Variants in KDM4C observed in about 807,000 individuals in gnomAD.
The protein encoded by KDM4C is lysine-specific demethylase 4C.
Under a neutral mutation model 129.3 loss-of-function variants are expected in KDM4C, and 81 were observed. The ratio of observed to expected loss-of-function variants is 0.63; its 90% CI spans 0.52 to 0.75. The LOEUF (loss-of-function observed/expected upper bound fraction) is 0.75, where lower values mean the gene tolerates loss of function less well. Among genes scored for constraint, KDM4C ranks in the 30% least tolerant of loss-of-function variants. The pLI, the probability that KDM4C is intolerant of heterozygous loss-of-function variation, is 0.00. For missense variants in KDM4C, 1,457 were observed against 1,304.0 expected, an observed-to-expected ratio of 1.12 and a Z score of -1.81; for synonymous variants, 573 against 456.1, an observed-to-expected ratio of 1.26 and a Z score of -3.26.
At chr9:6,953,070 A>G (rs992193368) in intron 8 of KDM4C, among the ~76,000 whole-genome samples, 7 of 152,220 alleles carry the variant, frequency 4.6e-5, no homozygotes. Flanking sequence ...TGATTAATTG[A>G]TACTTTACTA....
In KDM4C at chr9:6,805,539, A is replaced by C. The variant is rs1829808973; in HGVS notation, c.145-60A>C. On this transcript the variant is annotated intron_variant, in intron 2 of 21. Coordinates refer to ENST00000381309, the MANE Select transcript of KDM4C (RefSeq NM_015061.6). ...CAGTTGTAGTTTATCAGAATACTTA[A>C]AAGCTAAATTACTTGGAGTATTTTC... The C allele has an allele frequency of 4.9e-6, 6 of 1,218,224 alleles. No individual in the cohort carries two copies. In the East Asian group the frequency reaches 1.6e-4, roughly 32 times the overall value. 75.5% of individuals were successfully genotyped at this position (1,218,224 alleles called of 1,614,324 possible).
chr9:6,834,914 G>C (rs181547528), intron 4 of KDM4C: 3 of 1,194,278 alleles, frequency 2.5e-6, no homozygotes, highest in East Asian at 2.3e-5. Context: ...TACCGTGATG[G>C]ACTCCGGTGA....
intron 8 of KDM4C, among the ~76,000 whole-genome samples, chr9:6,950,766 A>G (rs78501456): frequency 0.047 from 7,103 of 152,260 alleles, 258 homozygotes; most frequent in East Asian, 0.14. Context: ...TGGTTAACTA[A>G]CTAATAAATA....
intron 17 of KDM4C, among the ~76,000 whole-genome samples, chr9:7,052,995 A>G (rs570836554): frequency 6.6e-6 from 1 of 151,548 alleles, no homozygotes. Context: ...TTTTTAGTTT[A>G]GTTTTTCATT....
intron 17 of KDM4C, among the ~76,000 whole-genome samples, chr9:7,097,966 C>T (rs550406690): frequency 2.0e-5 from 3 of 152,224 alleles, no homozygotes; most frequent in African/African-American, 7.2e-5. Context: ...CAGTGTTCTG[C>T]TACTTGGCTT....
At chr9:6,925,556 G>T in intron 8 of KDM4C, 1 of 978,798 alleles carries the variant, frequency 1.0e-6, no homozygotes, top group African/African-American at 1.8e-5. Flanking sequence ...TTGGCCTCCC[G>T]AAGTTCTGGT....
At chr9:6,894,029 C>T (rs1444642555) in intron 8 of KDM4C, among the ~76,000 whole-genome samples, 1 of 151,998 alleles carries the variant, frequency 6.6e-6, no homozygotes, top group African/African-American at 2.4e-5. Context: ...GTAGATTTAG[C>T]AGAAAATGAT....
intron 1 of KDM4C, among the ~76,000 whole-genome samples, chr9:6,789,855 A>G (rs188014665): frequency 7.0e-4 from 107 of 152,048 alleles, no homozygotes; most frequent in Non-Finnish European, 1.2e-3. Flanking sequence ...ATTTTCTACC[A>G]TGTGTTAATA....
At chr9:6,761,061 T>A (rs1257435528) in intron 1 of KDM4C, among the ~76,000 whole-genome samples, 1 of 150,120 alleles carries the variant, frequency 6.7e-6, no homozygotes, top group African/African-American at 2.5e-5. Context: ...TCTCACTCTG[T>A]GCCAATGGCG....
chr9:6,914,208 C>T (rs112398969), intron 8 of KDM4C, among the ~76,000 whole-genome samples: 2,291 of 152,176 alleles, frequency 0.015, 26 homozygotes, highest in Middle Eastern at 0.037. Flanking sequence ...TACAGCCATG[C>T]GCCACCATGT....
intron 17 of KDM4C, among the ~76,000 whole-genome samples, chr9:7,066,349 G>A (rs948103058): frequency 1.2e-4 from 18 of 152,142 alleles, no homozygotes; most frequent in Non-Finnish European, 1.5e-4. Context: ...GAACTTTCAA[G>A]GATGTCATTT....
chr9:7,119,931 A>G (rs564150901), intron 18 of KDM4C, among the ~76,000 whole-genome samples: 2 of 152,126 alleles, frequency 1.3e-5, no homozygotes, highest in Non-Finnish European at 2.9e-5. Flanking sequence ...CTCTCTTACT[A>G]GTATGTGAGC....
At chr9:6,867,281 TG>T (rs1456964701) in intron 5 of KDM4C, among the ~76,000 whole-genome samples, 19 of 152,174 alleles carry the variant, frequency 1.2e-4, no homozygotes, top group Non-Finnish European at 2.8e-4. Flanking sequence ...CTGAAAGTGC[TG>T]GGATTACAGG....
intron 8 of KDM4C, among the ~76,000 whole-genome samples, chr9:6,957,015 T>G (rs1365067141): frequency 6.6e-6 from 1 of 152,138 alleles, no homozygotes; most frequent in Non-Finnish European, 1.5e-5. Flanking sequence ...GCTCTTACAT[T>G]TGGTTACGAT....
chr9:6,797,178 G>T (rs1252184106), intron 2 of KDM4C, among the ~76,000 whole-genome samples: 1 of 151,820 alleles, frequency 6.6e-6, no homozygotes, highest in Non-Finnish European at 1.5e-5. Context: ...TGTAGAGATG[G>T]GGTCTGCTGT....
intron 17 of KDM4C, among the ~76,000 whole-genome samples, chr9:7,085,304 GA>G (rs1329354727): frequency 1.3e-5 from 2 of 152,182 alleles, no homozygotes; most frequent in African/African-American, 2.4e-5. Context: ...TAAAACAAAT[GA>G]TTTTTTTTCA....
chr9:6,757,367 T>C (rs1818376476), upstream of KDM4C, among the ~76,000 whole-genome samples: 1 of 152,100 alleles, frequency 6.6e-6, no homozygotes, highest in Non-Finnish European at 1.5e-5. Flanking sequence ...TGGGTGTAGG[T>C]GACTCAACAC....
intron 4 of KDM4C, among the ~76,000 whole-genome samples, chr9:6,840,655 C>G (rs1436705183): frequency 6.6e-6 from 1 of 152,216 alleles, no homozygotes; most frequent in South Asian, 2.1e-4. Flanking sequence ...CTTCGGCCTC[C>G]CAAAGCATTG....
At chr9:6,736,148 G>T (rs138344095) in intron 1 of KDM4C, among the ~76,000 whole-genome samples, 1 of 152,098 alleles carries the variant, frequency 6.6e-6, no homozygotes, top group Admixed American at 6.6e-5. Flanking sequence ...GAAAGCATTC[G>T]CGTGGTGACT....
Sources: gnomAD v4.1 joint callset for allele counts (sites outside exome capture counted in the v4.1 genomes callset) on GRCh38, gnomAD v4.1.1 for gene constraint, MANE v1.5 for transcripts, NCBI Gene and HGNC (gene_info 2026-07-23, HGNC 2026-07-21) for gene names.